The following HAL variants were observed in gnomAD, a reference collection of about 807,000 sequenced individuals.
HAL encodes the protein histidine ammonia-lyase, also known as histidase.
In HAL, 85 loss-of-function variants were observed where a neutral mutation model predicts 81.1. That is an observed-to-expected ratio of 1.05 (90% CI 0.88 to 1.25). HAL has a LOEUF of 1.25. HAL is among the 50% of genes most tolerant of loss of function. HAL has a pLI of 0.00. For missense variants in HAL, 798 were observed against 836.6 expected, an observed-to-expected ratio of 0.95 and a Z score of 0.57; for synonymous variants, 301 against 309.2, an observed-to-expected ratio of 0.97 and a Z score of 0.28.
In HAL at chr12:95,984,083, G is replaced by C. The variant is rs80039239; in HGVS notation, c.1207-92C>G. ...AGAATATAGAAGATCTTATCTTAAA[G>C]TTATAAAGAATACAGAAGATCTTAT... On this transcript the variant is annotated intron_variant, in intron 14 of 20. Transcript: ENST00000261208. 0.019 allele frequency: 14,002 copies of C among 727,016 alleles called. 197 individuals carry two copies. Among genetic ancestry groups the C allele is most frequent in the South Asian group, 0.036 (2,407 of 67,356 alleles). 45.0% of individuals were successfully genotyped at this position (727,016 alleles called of 1,614,324 possible).
rs1249298300 is a variant in HAL, at chr12:95,992,785, G to C, written c.610C>G (p.Pro204Ala). 2.5e-6 allele frequency: 4 copies of C among 1,612,964 alleles called. No individual in the cohort carries two copies. In the Admixed American group the frequency reaches 5.0e-5, roughly 20 times the overall value. Residue 204 changes from proline (P) to alanine (A), a missense_variant, in exon 9 of 21, where the codon CCT becomes GCT. Physicochemically the swap from Pro to Ala is conservative, Grantham distance 27. Coordinates refer to ENST00000261208, the MANE Select transcript of HAL (RefSeq NM_002108.4). ...HSSGVGKPLSPERCRMLLALR... is the reference protein window; with the variant it reads ...HSSGVGKPLSAERCRMLLALR... Reference sequence around the variant, plus strand: ...GCCAAGAGCATCCGACACCTCTCAGGACTTAGTGGTTTCCCAACACCTGCA... The same window carrying C: ...GCCAAGAGCATCCGACACCTCTCAGCACTTAGTGGTTTCCCAACACCTGCA...
chr12:95,988,189 T>A lies in HAL; in HGVS notation c.903+4A>T. On this transcript the variant is annotated splice_donor_region_variant and intron_variant, in intron 11 of 20. Transcript: ENST00000261208. The stretch of plus-strand genomic sequence containing the variant: ...ATGAACATATTTTTCTTGAGTTTCC[T>A]TACCTCTTTTGGTTTTAAAATAACT... The A allele has an allele frequency of 7.1e-7, 1 of 1,416,898 alleles. No homozygotes were observed. The highest frequency in any genetic ancestry group is 1.0e-6 in the Non-Finnish European group (1 of 1,000,230). 87.8% of individuals were successfully genotyped at this position (1,416,898 alleles called of 1,614,324 possible).
rs71307533 is a variant in HAL at position 95,973,823 on chromosome 12, T to TA, written c.*408dup. On this transcript the variant is annotated 3_prime_UTR_variant, in exon 21 of 21. Transcript: ENST00000261208. ...GGTGGAGAGCTTGTTGAAGCAAATT[T>TA]AAAAAAAAAAAAAAAGGTTAACAAA... 280 of 150,404 alleles carry TA rather than the reference T, an allele frequency of 1.9e-3. No homozygotes were observed. The highest frequency in any genetic ancestry group is 4.8e-3 in the East Asian group (25 of 5,258). The allele number at this position is 150,404 out of a possible 1,614,324, so 9.3% of individuals were successfully genotyped here.
At chr12:95,992,526 T>A (rs1949983657) in intron 9 of HAL, among the ~76,000 whole-genome samples, 154 bp downstream of exon 9, 1 of 152,178 alleles carries the variant, frequency 6.6e-6, no homozygotes, top group African/African-American at 2.4e-5. Flanking sequence ...TCTTCCCCCA[T>A]CTAACTATCC....
intron 7 of HAL, 106 bp from the exon 8 acceptor site, chr12:95,993,594 G>A (rs1266987977): frequency 3.3e-6 from 3 of 908,932 alleles, no homozygotes; most frequent in South Asian, 2.7e-5. Flanking sequence ...AGGGACAGAA[G>A]GAAGGCAATG....
chr12:95,979,511 T>A (rs961013761), intron 17 of HAL, among the ~76,000 whole-genome samples: 1 of 152,224 alleles, frequency 6.6e-6, no homozygotes, highest in Non-Finnish European at 1.5e-5. Context: ...CTCACAGAGC[T>A]AGTAAATGGC....
At position 95,977,966 on chromosome 12, in the gene HAL, C is replaced by G. The variant is rs970845360; in HGVS notation, c.1632G>C (p.Arg544Ser). Residue 544 changes from arginine (R) to serine (S), a missense_variant, in exon 18 of 21, where the codon AGG (arginine) becomes AGC (serine). Transcript: ENST00000261208. ...TACCTTGCTCCACATGCTCGATGAC[C>G]CTGAGGGCTTTCCTTGCTGCCCATC... ...MGGWAARKAL[R>S]VIEHVEQVLA... 19 of 1,614,052 alleles carry G rather than the reference C, an allele frequency of 1.2e-5. No homozygotes were observed. The highest frequency in any genetic ancestry group is 1.4e-5 in the Non-Finnish European group (17 of 1,180,040).
At chr12:95,993,866 T>A (rs763351753) in intron 6 of HAL, 28 bp from the exon 7 acceptor site, 22 of 1,487,858 alleles carry the variant, frequency 1.5e-5, no homozygotes, top group Non-Finnish European at 2.0e-5. Context: ...ATTATGCAAT[T>A]AAATGCAGGG....
chr12:95,996,202 G>A lies in HAL; in HGVS notation c.-206C>T, dbSNP rs1950034142. Reference sequence around the variant, plus strand: ...AGGCCTGGGGTCTCCCACCCTGGGAGGTGCTGTTCTTGTCCCTGATGGCAC... The same window carrying A: ...AGGCCTGGGGTCTCCCACCCTGGGAAGTGCTGTTCTTGTCCCTGATGGCAC... On this transcript the variant is annotated 5_prime_UTR_variant, in exon 1 of 21. Transcript: ENST00000261208. 2.3e-6 allele frequency: 1 copy of A among 434,790 alleles called. No individual in the cohort carries two copies. The highest frequency in any genetic ancestry group is 4.3e-6 in the Non-Finnish European group (1 of 232,154). The allele number at this position is 434,790 out of a possible 1,614,324, so 26.9% of individuals were successfully genotyped here. A position where few individuals can be genotyped will look rare whatever the true frequency, so the allele number is the denominator to read the frequency against.
chr12:95,976,565 T>G, intron 19 of HAL, 33 bp downstream of exon 19: 1 of 1,590,416 alleles, frequency 6.3e-7, no homozygotes, highest in African/African-American at 1.3e-5. Context: ...AGTGCTGAAC[T>G]GATGTAATTT....
intron 14 of HAL, among the ~76,000 whole-genome samples, chr12:95,985,144 C>T: frequency 6.6e-6 from 1 of 152,118 alleles, no homozygotes; most frequent in East Asian, 1.9e-4. Flanking sequence ...TTACTATGCA[C>T]CTGAGTTTCA....
intron 4 of HAL, 65 bp downstream of exon 4, chr12:95,994,733 C>T: frequency 6.7e-7 from 1 of 1,492,990 alleles, no homozygotes; most frequent in South Asian, 1.1e-5. Context: ...GTTTTCCTGG[C>T]TTTCCTCCCT....
intron 20 of HAL, 113 bp from the exon 21 acceptor site, chr12:95,974,485 C>T: frequency 1.1e-6 from 1 of 912,300 alleles, no homozygotes; most frequent in Non-Finnish European, 1.8e-6. Flanking sequence ...CCAGACACAG[C>T]TGCTGTTTGC....
chr12:95,985,391 C>T (rs1259478237), intron 14 of HAL, among the ~76,000 whole-genome samples: 1 of 151,960 alleles, frequency 6.6e-6, no homozygotes, highest in Non-Finnish European at 1.5e-5. Flanking sequence ...GTCAGGGGTT[C>T]GAGACCAGCT....
Position 95,987,221 on chromosome 12 carries a change from G to C in HAL, c.904-7C>G, listed in dbSNP as rs373521229. The stretch of plus-strand genomic sequence containing the variant: ...CATTGATGAGTGCCAGGCCCTGTCG[G>C]GGGAGAGAGCAAAGTTTCCTACTGT... On this transcript the variant is annotated splice_region_variant and splice_polypyrimidine_tract_variant and intron_variant, in intron 11 of 20. Transcript: ENST00000261208. The C allele has an allele frequency of 5.6e-6, 9 of 1,612,908 alleles. No homozygotes were observed. Among genetic ancestry groups the C allele is most frequent in the Non-Finnish European group, 7.6e-6 (9 of 1,178,886 alleles).
At chr12:95,977,643 A>AG (rs71653147) in intron 18 of HAL, among the ~76,000 whole-genome samples, 1 of 7,336 alleles carries the variant, frequency 1.4e-4, no homozygotes, top group East Asian at 0.012. Flanking sequence ...ATCCTGCCTC[A>AG]AAAAAAAAAA....
At chr12:95,992,883 A>G in intron 8 of HAL, 78 bp from the exon 9 acceptor site, 2 of 800,752 alleles carry the variant, frequency 2.5e-6, no homozygotes, top group Non-Finnish European at 3.6e-6. Flanking sequence ...CCCTCCCTCC[A>G]ATCTTTCCCA....
rs376512639 is a variant in HAL at position 95,994,226 on chromosome 12, G to A, written c.337-62C>T. The A allele has an allele frequency of 1.5e-5, 16 of 1,098,694 alleles. No individual in the cohort carries two copies. The African/African-American group carries it at 2.3e-4, about 16-fold the overall frequency. The allele number at this position is 1,098,694 out of a possible 1,614,324, so 68.1% of individuals were successfully genotyped here. The stretch of plus-strand genomic sequence containing the variant: ...GCTTGATTATTCTAACCAGAGTAGG[G>A]ACACCTCCAACAGAACCAAACTGAC... On this transcript the variant is annotated intron_variant, in intron 4 of 20. Transcript: ENST00000261208.
chr12:95,990,607 C>T, intron 9 of HAL, 75 bp from the exon 10 acceptor site: 2 of 1,210,928 alleles, frequency 1.7e-6, no homozygotes, highest in Non-Finnish European at 2.5e-6. Context: ...GTGAGTGCCC[C>T]CACTGCCCCC....
Sources: allele counts gnomAD v4.1 joint callset (sites outside exome capture counted in the v4.1 genomes callset), GRCh38; gene constraint gnomAD v4.1.1; transcripts MANE v1.5; gene names NCBI Gene and HGNC (gene_info 2026-07-23, HGNC 2026-07-21).